The following P4HA1 variants were observed in gnomAD, a reference collection of about 807,000 sequenced individuals.
P4HA1 encodes the protein prolyl 4-hydroxylase subunit alpha 1, also known as prolyl 4-hydroxylase subunit alpha-1.
P4HA1 carries 24 observed loss-of-function variants against 72.8 expected under a neutral mutation model. The observed-to-expected ratio is 0.33, with a 90% confidence interval of 0.24 to 0.46. The LOEUF is 0.46. P4HA1 is among the 20% of genes least tolerant of loss of function. The pLI is 1.00. For missense variants in P4HA1, 446 were observed against 640.6 expected, an observed-to-expected ratio of 0.70 and a Z score of 3.28; for synonymous variants, 201 against 218.8, an observed-to-expected ratio of 0.92 and a Z score of 0.72.
intron 10 of P4HA1, among the ~76,000 whole-genome samples, chr10:73,026,427 C>G (rs1354308384): frequency 6.6e-6 from 1 of 152,192 alleles, no homozygotes; most frequent in Non-Finnish European, 1.5e-5. Flanking sequence ...AACTGGATCC[C>G]TTCCTTACAC....
At chr10:73,067,321 C>G (rs527378710) in intron 5 of P4HA1, among the ~76,000 whole-genome samples, 1 of 152,328 alleles carries the variant, frequency 6.6e-6, no homozygotes, top group African/African-American at 2.4e-5. Context: ...CTCCCTGGTT[C>G]TTCGTCCCTT....
At chr10:73,089,163 C>T (rs1418998404) in intron 1 of P4HA1, among the ~76,000 whole-genome samples, 1 of 152,136 alleles carries the variant, frequency 6.6e-6, no homozygotes, top group Admixed American at 6.6e-5. Context: ...AAATATTACA[C>T]ACCATTTGAA....
At chr10:73,073,631 A>C in intron 3 of P4HA1, 100 bp downstream of exon 3, 1 of 693,092 alleles carries the variant, frequency 1.4e-6, no homozygotes, top group South Asian at 1.6e-5. Flanking sequence ...GCTTTGTAAG[A>C]CTCAAAAATG....
chr10:73,081,669 C>T (rs1224252651), intron 1 of P4HA1, among the ~76,000 whole-genome samples: 2 of 152,112 alleles, frequency 1.3e-5, no homozygotes, highest in Non-Finnish European at 2.9e-5. Flanking sequence ...CAAATGATCC[C>T]CAACATAGGA....
At chr10:73,051,326 T>C in intron 6 of P4HA1, 77 bp from the exon 7 acceptor site, 1 of 752,410 alleles carries the variant, frequency 1.3e-6, no homozygotes. Flanking sequence ...AATATAAAAA[T>C]AGGAGACATT....
chr10:73,074,088 C>A (rs1841633659), intron 2 of P4HA1: 1 of 347,814 alleles, frequency 2.9e-6, no homozygotes, highest in African/African-American at 2.2e-5. Flanking sequence ...TTTATATCTA[C>A]AAATGTATTT....
rs748435701 is a variant in P4HA1 at position 73,073,721 on chromosome 10, T to TG, written c.173+9_173+10insC. On this transcript the variant is annotated intron_variant, in intron 3 of 14. Transcript: ENST00000394890. ...GAGTCAGAGTCATAATAAGCAAACATTTTGCTTACTTTTTTATTTGTTCTA... is the reference window on the plus strand; with the variant it reads ...GAGTCAGAGTCATAATAAGCAAACATGTTTGCTTACTTTTTTATTTGTTCTA... 4.1e-6 allele frequency: 5 copies of TG among 1,222,626 alleles called. No individual in the cohort carries two copies. Among genetic ancestry groups the TG allele is most frequent in the Non-Finnish European group, 6.1e-6 (5 of 823,292 alleles). 75.7% of individuals were successfully genotyped at this position (1,222,626 alleles called of 1,614,324 possible).
chr10:73,075,508 T>G (rs371430198), intron 1 of P4HA1, among the ~76,000 whole-genome samples: 2 of 152,194 alleles, frequency 1.3e-5, no homozygotes, highest in South Asian at 4.1e-4. Context: ...AGTAATTGAA[T>G]AGTAGGTGGC....
chr10:73,032,297 C>T (rs1282249167), intron 9 of P4HA1, among the ~76,000 whole-genome samples: 1 of 152,230 alleles, frequency 6.6e-6, no homozygotes, highest in Admixed American at 6.5e-5. Flanking sequence ...AATCTCTGAA[C>T]CCACTGTAAT....
rs71021546 is a variant in P4HA1, at chr10:73,070,142, CTTTTTTTTTTTTTT to C, written c.326-1173_326-1160del. Reference sequence around the variant, plus strand: ...TATTTTGAACAGCAAGAGACCAGGCCTTTTTTTTTTTTTTTTTTTTTTTTTTTTTTTTTGAGATG... The same window carrying C: ...TATTTTGAACAGCAAGAGACCAGGCCTTTTTTTTTTTTTTTTTTTGAGATG... On this transcript the variant is annotated intron_variant, in intron 4 of 14. Coordinates refer to ENST00000394890, the MANE Select transcript of P4HA1 (RefSeq NM_001017962.3). 1.3e-3 allele frequency among the ~76,000 whole-genome samples: 87 copies of C among 64,502 alleles called. 2 individuals carry two copies. The highest frequency in any genetic ancestry group is 4.7e-3 in the Admixed American group (21 of 4,478). The allele number at this position is 64,502 out of a possible 152,430, so 42.3% of individuals were successfully genotyped here.
At chr10:73,079,844 T>C (rs1192850841) in intron 1 of P4HA1, among the ~76,000 whole-genome samples, 2 of 152,168 alleles carry the variant, frequency 1.3e-5, no homozygotes, top group African/African-American at 4.8e-5. Flanking sequence ...GTAGCACACT[T>C]TCCCATTCTA....
intron 5 of P4HA1, among the ~76,000 whole-genome samples, chr10:73,062,352 T>C (rs1285146426): frequency 1.3e-5 from 2 of 152,038 alleles, no homozygotes; most frequent in African/African-American, 4.8e-5. Flanking sequence ...GAAAATCACA[T>C]AGTTCCCTTT....
chr10:73,063,821 TAAC>T (rs1466171970), intron 5 of P4HA1, among the ~76,000 whole-genome samples: 1 of 152,172 alleles, frequency 6.6e-6, no homozygotes, highest in East Asian at 1.9e-4. Context: ...ACTGATCTAT[TAAC>T]AATATTAAAG....
At chr10:73,035,361 TTAAAA>T (rs1316007366) in intron 9 of P4HA1, among the ~76,000 whole-genome samples, 1 of 152,006 alleles carries the variant, frequency 6.6e-6, no homozygotes, top group Non-Finnish European at 1.5e-5. Context: ...ACAAAAAAAA[TTAAAA>T]TAAATTAATG....
chr10:73,075,873 T>C (rs1452102071), intron 1 of P4HA1, among the ~76,000 whole-genome samples: 2 of 152,044 alleles, frequency 1.3e-5, no homozygotes, highest in African/African-American at 2.4e-5. Context: ...ACCCGGCCCA[T>C]CTTTTTCCTA....
At chr10:73,079,531 G>A (rs1841778235) in intron 1 of P4HA1, among the ~76,000 whole-genome samples, 2 of 152,140 alleles carry the variant, frequency 1.3e-5, no homozygotes, top group African/African-American at 4.8e-5. Flanking sequence ...CACCTGAGGT[G>A]AGGAGTTCGA....
chr10:73,037,565 ATATATATTTT>A (rs1194904001), intron 9 of P4HA1, among the ~76,000 whole-genome samples: 65 of 32,080 alleles, frequency 2.0e-3, no homozygotes, highest in Non-Finnish European at 2.1e-3. Context: ...ATATATATAT[ATATATATTTT>A]TTTTTTTTTT....
intron 9 of P4HA1, among the ~76,000 whole-genome samples, chr10:73,035,334 A>G (rs528075611): frequency 1.3e-5 from 2 of 152,300 alleles, no homozygotes; most frequent in East Asian, 3.9e-4. Flanking sequence ...TGGGAAACAT[A>G]GCAAGACCCC....
intron 12 of P4HA1, 41 bp downstream of exon 12, chr10:73,014,183 T>A: frequency 3.1e-6 from 4 of 1,305,076 alleles, no homozygotes; most frequent in Non-Finnish European, 4.4e-6. Context: ...AATCTTGTCA[T>A]CAAATCCCAA....
Sources: gnomAD v4.1 joint callset for allele counts (sites outside exome capture counted in the v4.1 genomes callset) on GRCh38, gnomAD v4.1.1 for gene constraint, MANE v1.5 for transcripts, NCBI Gene and HGNC (gene_info 2026-07-23, HGNC 2026-07-21) for gene names.